Variants in ULK4 observed in about 807,000 individuals in gnomAD.
ULK4 encodes the protein inactive serine/threonine-protein kinase ULK4.
In ULK4, 133 loss-of-function variants were observed where a neutral mutation model predicts 160.6. The observed-to-expected ratio is 0.83, with a 90% confidence interval of 0.72 to 0.96. The LOEUF is 0.96. Ranked by LOEUF, ULK4 falls within the 40% of genes least tolerant of loss-of-function variation. The probability of loss-of-function intolerance (pLI) is 0.00; values close to 1 mark genes in which losing one functional copy is unlikely to be tolerated. For missense variants in ULK4, 1,580 were observed against 1,499.5 expected (o/e 1.05, Z -0.89); for synonymous variants, 534 against 539.8 (o/e 0.99, Z 0.15).
intron 35 of ULK4, among the ~76,000 whole-genome samples, chr3:41,297,925 A>G (rs1037744888): frequency 6.6e-6 from 1 of 152,202 alleles, no homozygotes; most frequent in Non-Finnish European, 1.5e-5. Flanking sequence ...AATGTTACAC[A>G]CTTTTAGCAC....
intron 30 of ULK4, among the ~76,000 whole-genome samples, chr3:41,657,834 A>AAAAAAAAAAAAAC (rs1553628520): frequency 4.0e-5 from 6 of 149,962 alleles, no homozygotes; most frequent in African/African-American, 1.2e-4. Flanking sequence ...AAAAAAAAAA[A>AAAAAAAAAAAAAC]ACACACACCA....
intron 27 of ULK4, among the ~76,000 whole-genome samples, chr3:41,692,169 T>C (rs1052416227): frequency 5.9e-5 from 9 of 151,494 alleles, no homozygotes; most frequent in Admixed American, 4.6e-4. Context: ...GCCAGGATCG[T>C]CTCGATCTCC....
In ULK4 at chr3:41,304,273, C is replaced by CA. The variant is rs368282598; in HGVS notation, c.3679-54700dup. On this transcript the variant is annotated intron_variant, in intron 35 of 36. Coordinates refer to ENST00000301831, the MANE Select transcript of ULK4 (RefSeq NM_017886.4). ...GGACAATAAGAGCAAAGCTCCCCCT[C>CA]AAAAAAAAAAAAAAAAAGAGACAAC... is the stretch of plus-strand genomic sequence containing the variant. Among the ~76,000 whole-genome samples, 397 of 89,704 alleles carry CA rather than the reference C, an allele frequency of 4.4e-3. 4 individuals carry two copies. The highest frequency in any genetic ancestry group is 6.7e-3 in the East Asian group (18 of 2,688). The allele number at this position is 89,704 out of a possible 152,430, so 58.8% of individuals were successfully genotyped here.
intron 17 of ULK4, among the ~76,000 whole-genome samples, chr3:41,867,641 T>C (rs538276846): frequency 6.6e-6 from 1 of 152,308 alleles, no homozygotes; most frequent in South Asian, 2.1e-4. Flanking sequence ...CCTCCCAAAG[T>C]GCTGGGATTA....
At chr3:41,426,574 A>G (rs900945500) in intron 34 of ULK4, among the ~76,000 whole-genome samples, 1 of 152,198 alleles carries the variant, frequency 6.6e-6, no homozygotes, top group Non-Finnish European at 1.5e-5. Context: ...AGTCTCTCTG[A>G]CCACAGTGCA....
At chr3:41,326,529 C>T (rs1364847746) in intron 35 of ULK4, among the ~76,000 whole-genome samples, 1 of 151,180 alleles carries the variant, frequency 6.6e-6, no homozygotes, top group African/African-American at 2.4e-5. Context: ...TAACAAAGAG[C>T]AAAAAGAAAG....
chr3:41,942,393 C>T (rs1056504131), intron 2 of ULK4, among the ~76,000 whole-genome samples: 1 of 151,984 alleles, frequency 6.6e-6, no homozygotes, highest in African/African-American at 2.4e-5. Context: ...GTGGTGCATG[C>T]CTGAAATTCC....
At chr3:41,659,710 C>A (rs994198363) in intron 30 of ULK4, among the ~76,000 whole-genome samples, 2 of 151,188 alleles carry the variant, frequency 1.3e-5, no homozygotes, top group Non-Finnish European at 2.9e-5. Flanking sequence ...TCCTTTGATA[C>A]ATCAATACAT....
chr3:41,825,386 C>T (rs888761458), intron 18 of ULK4, among the ~76,000 whole-genome samples: 4 of 151,900 alleles, frequency 2.6e-5, no homozygotes, highest in Admixed American at 6.6e-5. Context: ...GAAGTTCGAA[C>T]CTATGGCAAA....
At chr3:41,897,053 G>T in intron 14 of ULK4, 50 bp from the exon 15 acceptor site, 1 of 1,481,948 alleles carries the variant, frequency 6.7e-7, no homozygotes, top group Non-Finnish European at 9.2e-7. Flanking sequence ...AAAAAGAACT[G>T]CTGGAAACAT....
At chr3:41,422,958 A>G (rs528964349) in intron 34 of ULK4, among the ~76,000 whole-genome samples, 2 of 152,338 alleles carry the variant, frequency 1.3e-5, no homozygotes, top group Non-Finnish European at 2.9e-5. Context: ...AATCAAATAA[A>G]CCATTGTACA....
chr3:41,350,871 C>A (rs1178969696), intron 35 of ULK4, among the ~76,000 whole-genome samples: 1 of 152,180 alleles, frequency 6.6e-6, no homozygotes, highest in East Asian at 1.9e-4. Context: ...CTTCTTCCAG[C>A]ACAGGGAAGT....
At chr3:41,680,888 T>C (rs1016403457) in intron 29 of ULK4, among the ~76,000 whole-genome samples, 5 of 152,236 alleles carry the variant, frequency 3.3e-5, no homozygotes, top group Admixed American at 2.0e-4. Flanking sequence ...CTAGCTTTGA[T>C]AAAATTGACA....
chr3:41,733,703 C>A (rs1181202363), intron 22 of ULK4, among the ~76,000 whole-genome samples: 5 of 146,680 alleles, frequency 3.4e-5, no homozygotes, highest in Non-Finnish European at 7.4e-5. Context: ...TCAAGATTGC[C>A]TTGAATTCAA....
chr3:41,390,387 G>A (rs1449360158), intron 35 of ULK4, among the ~76,000 whole-genome samples: 1 of 152,072 alleles, frequency 6.6e-6, no homozygotes, highest in Non-Finnish European at 1.5e-5. Context: ...TCTGATCTTA[G>A]TTATTTCTTG....
Position 41,427,162 on chromosome 3 carries a change from G to C in ULK4, c.3492+28335C>G, listed in dbSNP as rs2082795416. Reference sequence around the variant, plus strand: ...CTATTCAAATAAACTAGAGAATCTAGAAGAAATGGATAAATTCCTGGATGC... The same window carrying C: ...CTATTCAAATAAACTAGAGAATCTACAAGAAATGGATAAATTCCTGGATGC... On this transcript the variant is annotated intron_variant, in intron 34 of 36. Coordinates refer to ENST00000301831, the MANE Select transcript of ULK4 (RefSeq NM_017886.4). Among the ~76,000 whole-genome samples, 3 of 152,128 alleles carry C rather than the reference G, an allele frequency of 2.0e-5. No homozygotes were observed. The South Asian group carries it at 6.2e-4, about 32-fold the overall frequency.
At chr3:41,794,685 A>AAAAAAAAAAAAAAAAAC (rs1553654846) in intron 20 of ULK4, among the ~76,000 whole-genome samples, 16 of 129,024 alleles carry the variant, frequency 1.2e-4, no homozygotes, top group Non-Finnish European at 2.3e-4. Flanking sequence ...AAAAAAAAAA[A>AAAAAAAAAAAAAAAAAC]ACACAGAAAA....
At position 41,738,319 on chromosome 3, in the gene ULK4, T is replaced by A. The variant is rs140439263; in HGVS notation, c.2321+16042A>T. Among the ~76,000 whole-genome samples the A allele has an allele frequency of 3.5e-3, 528 of 152,008 alleles. 13 individuals carry two copies. Among genetic ancestry groups the A allele is most frequent in the African/African-American group, 0.012 (503 of 41,302 alleles). On this transcript the variant is annotated intron_variant, in intron 22 of 36. Coordinates refer to ENST00000301831, the MANE Select transcript of ULK4 (RefSeq NM_017886.4). ...CATAGCCCTGGCATGTTGGGTGCTATTGACTTGGCAAAGGTTTTTTTTCTC... is the reference window on the plus strand; with the variant it reads ...CATAGCCCTGGCATGTTGGGTGCTAATGACTTGGCAAAGGTTTTTTTTCTC...
intron 35 of ULK4, among the ~76,000 whole-genome samples, chr3:41,392,341 C>A (rs542424814): frequency 6.6e-6 from 1 of 152,272 alleles, no homozygotes; most frequent in Admixed American, 6.5e-5. Context: ...CAAAACACAT[C>A]CCATCTCCAT....
Sources: allele counts gnomAD v4.1 joint callset (sites outside exome capture counted in the v4.1 genomes callset), GRCh38; gene constraint gnomAD v4.1.1; transcripts MANE v1.5; gene names NCBI Gene and HGNC (gene_info 2026-07-23, HGNC 2026-07-21).